Variants in TRAPPC8 observed in about 807,000 individuals in gnomAD.
The protein encoded by TRAPPC8 is trafficking protein particle complex subunit 8, also known as general sporulation gene 1 homolog.
A neutral mutation model predicts 174.3 loss-of-function variants in TRAPPC8; 54 were observed. That is an observed-to-expected ratio of 0.31 (90% CI 0.25 to 0.39). The LOEUF (loss-of-function observed/expected upper bound fraction) is 0.39, where lower values mean the gene tolerates loss of function less well. Among genes scored for constraint, TRAPPC8 ranks in the 10% least tolerant of loss-of-function variants. The pLI is 1.00. For missense variants in TRAPPC8, 1,531 were observed against 1,699.1 expected (o/e 0.90, Z 1.74); for synonymous variants, 630 against 579.9 (o/e 1.09, Z -1.24).
At chr18:31,878,317 A>G (rs2145254247) in intron 12 of TRAPPC8, among the ~76,000 whole-genome samples, 1 of 152,336 alleles carries the variant, frequency 6.6e-6, no homozygotes, top group South Asian at 2.1e-4. Context: ...CAACAAAAAG[A>G]GATTTGGGGC....
At chr18:31,912,986 G>C (rs895897629) in intron 5 of TRAPPC8, among the ~76,000 whole-genome samples, 2 of 152,016 alleles carry the variant, frequency 1.3e-5, no homozygotes, top group African/African-American at 4.8e-5. Context: ...AAATTTGCCT[G>C]GCATGGTGGC....
At chr18:31,870,625 C>T (rs889901292) in intron 15 of TRAPPC8, 123 bp from the exon 16 acceptor site, 13 of 1,072,392 alleles carry the variant, frequency 1.2e-5, no homozygotes, top group Admixed American at 5.0e-5. Context: ...TCCTTTATTA[C>T]CTTATAAATG....
Position 31,943,098 on chromosome 18 carries a change from G to T in TRAPPC8, c.-334C>A. The T allele has an allele frequency of 2.4e-6, 1 of 412,974 alleles. No homozygotes were observed. The highest frequency in any genetic ancestry group is 4.2e-6 in the Non-Finnish European group (1 of 238,262). The allele number at this position is 412,974 out of a possible 1,614,324, so 25.6% of individuals were successfully genotyped here. The stretch of plus-strand genomic sequence containing the variant: ...GCCCGGCCGGAACCGCCATGTTGAG[G>T]CCGAACCCTGACCAACCGGCAGTAC... On this transcript the variant is annotated 5_prime_UTR_variant, in exon 1 of 29. Coordinates refer to ENST00000283351, the MANE Select transcript of TRAPPC8 (RefSeq NM_014939.5).
intron 2 of TRAPPC8, among the ~76,000 whole-genome samples, chr18:31,927,615 C>A (rs1221074673): frequency 6.6e-6 from 1 of 152,098 alleles, no homozygotes; most frequent in Non-Finnish European, 1.5e-5. Context: ...GTTACCCAGG[C>A]TGGTCTTGAA....
intron 12 of TRAPPC8, among the ~76,000 whole-genome samples, chr18:31,888,862 C>T (rs780539263): frequency 2.6e-5 from 4 of 152,190 alleles, no homozygotes; most frequent in Non-Finnish European, 5.9e-5. Flanking sequence ...CACCATGGCA[C>T]ACGTTTACCT....
At chr18:31,903,832 C>G (rs2036546185) in intron 9 of TRAPPC8, among the ~76,000 whole-genome samples, 1 of 151,522 alleles carries the variant, frequency 6.6e-6, no homozygotes, top group African/African-American at 2.4e-5. Context: ...TCAAGACTAG[C>G]CTGGGCAACA....
chr18:31,942,748 T>G lies in TRAPPC8; in HGVS notation c.17A>C (p.Gln6Pro). Residue 6 changes from glutamine (Q) to proline (P), a missense_variant, in exon 1 of 29, where the codon CAA (glutamine) becomes CCA (proline). Physicochemically the swap from Gln to Pro is moderately conservative, Grantham distance 76. Transcript: ENST00000283351. Reference sequence around the variant, plus strand: ...GTCCGGGATTAGCTCCTGCACTGATTGTACACACTGGGCCATCGCCGCAGC... The same window carrying G: ...GTCCGGGATTAGCTCCTGCACTGATGGTACACACTGGGCCATCGCCGCAGC... MAQCV[Q>P]SVQELIPDSF... is the part of the protein sequence containing the mutation. The G allele has an allele frequency of 1.3e-6, 2 of 1,550,350 alleles. No homozygotes were observed. Among genetic ancestry groups the G allele is most frequent in the South Asian group, 1.2e-5 (1 of 84,540 alleles).
intron 1 of TRAPPC8, among the ~76,000 whole-genome samples, chr18:31,935,609 A>G (rs943714379): frequency 6.8e-6 from 1 of 146,316 alleles, no homozygotes; most frequent in African/African-American, 2.5e-5. Flanking sequence ...GGCTTGAGCC[A>G]CTGGACCCAC....
At chr18:31,843,778 T>C (rs1280551391) in intron 26 of TRAPPC8, among the ~76,000 whole-genome samples, 2 of 152,212 alleles carry the variant, frequency 1.3e-5, no homozygotes, top group Admixed American at 6.5e-5. Flanking sequence ...ACCTGGGGGA[T>C]AGACGGAACA....
intron 12 of TRAPPC8, among the ~76,000 whole-genome samples, chr18:31,878,178 CG>C (rs2035257280): frequency 6.6e-6 from 1 of 152,084 alleles, no homozygotes; most frequent in African/African-American, 2.4e-5. Context: ...GCCCTCTGAC[CG>C]GGGCGTGATA....
At chr18:31,942,128 G>A (rs2038371471) in intron 1 of TRAPPC8, among the ~76,000 whole-genome samples, 1 of 152,198 alleles carries the variant, frequency 6.6e-6, no homozygotes, top group Admixed American at 6.5e-5. Context: ...AGTTCAGACA[G>A]AGATGACCCT....
intron 5 of TRAPPC8, among the ~76,000 whole-genome samples, chr18:31,911,608 G>A (rs980873087): frequency 6.6e-6 from 1 of 150,996 alleles, no homozygotes; most frequent in Non-Finnish European, 1.5e-5. Context: ...GCGTGGTGGC[G>A]GGCGCCTGTA....
At chr18:31,831,866 G>C (rs1010600492) in intron 28 of TRAPPC8, among the ~76,000 whole-genome samples, 5 of 151,760 alleles carry the variant, frequency 3.3e-5, no homozygotes, top group Non-Finnish European at 7.4e-5. Flanking sequence ...TGTGGATCTG[G>C]ATTTTTTTTT....
At chr18:31,905,083 T>G (rs1398924548) in intron 9 of TRAPPC8, among the ~76,000 whole-genome samples, 2 of 152,144 alleles carry the variant, frequency 1.3e-5, no homozygotes, top group African/African-American at 4.8e-5. Flanking sequence ...GCTGTGATAT[T>G]TATTTTGCCT....
intron 9 of TRAPPC8, among the ~76,000 whole-genome samples, chr18:31,901,670 T>C (rs984087915): frequency 2.0e-5 from 3 of 152,112 alleles, no homozygotes; most frequent in Admixed American, 1.3e-4. Context: ...CAGGCAAATA[T>C]AAGGGCACCA....
intron 12 of TRAPPC8, among the ~76,000 whole-genome samples, chr18:31,877,571 C>T: frequency 6.9e-6 from 1 of 144,246 alleles, no homozygotes; most frequent in Middle Eastern, 3.6e-3. Context: ...CAAGATCGCG[C>T]CACTGCATTC....
Position 31,861,925 on chromosome 18 carries a change from G to GA in TRAPPC8, c.2745+2701dup, listed in dbSNP as rs1248803736. On this transcript the variant is annotated intron_variant, in intron 19 of 28. Coordinates refer to ENST00000283351, the MANE Select transcript of TRAPPC8 (RefSeq NM_014939.5). ...GGGTGACAGAGCGATCCCGTCTCCA[G>GA]AAAAAAAAAAAGGGGGGGGGGGGCG... is the stretch of plus-strand genomic sequence containing the variant. Among the ~76,000 whole-genome samples the GA allele has an allele frequency of 2.2e-3, 80 of 37,188 alleles. 1 individual carries two copies. Among genetic ancestry groups the GA allele is most frequent in the Middle Eastern group, 0.025 (1 of 40 alleles). The allele number at this position is 37,188 out of a possible 152,430, so 24.4% of individuals were successfully genotyped here. A position where few individuals can be genotyped will look rare whatever the true frequency, so the allele number is the denominator to read the frequency against.
chr18:31,852,622 T>G lies in TRAPPC8; in HGVS notation c.3475A>C (p.Lys1159Gln), dbSNP rs2033771346. ...TCTTCTTTCTCACATCTTATTGCCT[T>G]AAAGCAAAACTTTCCCTTCTCCCTA... ...ASREKGKFCF[K>Q]AIRCEKEEAA... The change falls in exon 23 of 29, where the codon AAG (lysine) becomes CAG (glutamine). Residue 1159 changes from lysine to glutamine, a missense_variant. Physicochemically the swap from Lys to Gln is moderately conservative, Grantham distance 53. Coordinates refer to ENST00000283351, the MANE Select transcript of TRAPPC8 (RefSeq NM_014939.5). The G allele has an allele frequency of 6.2e-7, 1 of 1,614,040 alleles. No individual in the cohort carries two copies. The highest frequency in any genetic ancestry group is 8.5e-7 in the Non-Finnish European group (1 of 1,179,986).
intron 12 of TRAPPC8, chr18:31,883,220 C>T (rs1483706720): frequency 8.2e-6 from 1 of 122,186 alleles, no homozygotes; most frequent in Non-Finnish European, 1.7e-5. Flanking sequence ...AAGACTTCAT[C>T]TCAGAAAAAA....
Sources: gnomAD v4.1 joint callset for allele counts (sites outside exome capture counted in the v4.1 genomes callset) on GRCh38, gnomAD v4.1.1 for gene constraint, MANE v1.5 for transcripts, NCBI Gene and HGNC (gene_info 2026-07-23, HGNC 2026-07-21) for gene names.